CYP2B6: variants seen among roughly 807,000 people sequenced by gnomAD.
The protein encoded by CYP2B6 is cytochrome P450 family 2 subfamily B member 6.
CYP2B6 carries 35 observed loss-of-function variants against 43.4 expected under a neutral mutation model. The observed-to-expected ratio is 0.81, with a 90% CI of 0.62 to 1.07. The LOEUF (loss-of-function observed/expected upper bound fraction) is 1.07. Among genes scored for constraint, CYP2B6 ranks in the 50% least tolerant of loss-of-function variants. The pLI is 0.00. For missense variants in CYP2B6, 624 were observed against 632.8 expected (o/e 0.99, Z 0.15); for synonymous variants, 239 against 239.2 (o/e 1.00, Z 0.01).
chr19:41,002,846 C>T (rs1431409706), intron 1 of CYP2B6, among the ~76,000 whole-genome samples: 1 of 152,054 alleles, frequency 6.6e-6, no homozygotes, highest in East Asian at 1.9e-4. Context: ...CACGCCTGGC[C>T]CTGTGTTTGA....
At chr19:40,997,324 A>T (rs1157788812) in intron 1 of CYP2B6, among the ~76,000 whole-genome samples, 2 of 151,888 alleles carry the variant, frequency 1.3e-5, no homozygotes, top group Non-Finnish European at 2.9e-5. Context: ...TCTACTTATC[A>T]TTACTAATCC....
intron 8 of CYP2B6, among the ~76,000 whole-genome samples, chr19:41,015,106 T>A (rs554115403): frequency 1.3e-3 from 193 of 152,014 alleles, no homozygotes; most frequent in African/African-American, 4.5e-3. Flanking sequence ...GAAGAAAAGC[T>A]GTGTCTGACA....
intron 5 of CYP2B6, 37 bp from the exon 6 acceptor site, chr19:41,009,957 C>T (rs761357596): frequency 1.4e-5 from 22 of 1,613,536 alleles, no homozygotes; most frequent in Non-Finnish European, 1.8e-5. Flanking sequence ...CTACAGCCTC[C>T]CCTGACCCTC....
rs1969299734 is a variant in CYP2B6 at position 41,012,443 on chromosome 19, T to C, written c.1110T>C (p.Ile370=). 6.2e-7 allele frequency: 1 copy of C among 1,614,088 alleles called. No individual in the cohort carries two copies. Among genetic ancestry groups the C allele is most frequent in the Non-Finnish European group, 8.5e-7 (1 of 1,179,982 alleles). The change falls in exon 7 of 9, where the codon ATT becomes ATC. Residue 370 remains isoleucine (I), a synonymous_variant. Coordinates refer to ENST00000324071, the MANE Select transcript of CYP2B6 (RefSeq NM_000767.5). The part of the protein sequence containing the change: ...SDLLPMGVPH[I]VTQHTSFRGY... The stretch of plus-strand genomic sequence containing the variant: ...TTCTCCCCATGGGTGTGCCCCACAT[T>C]GTCACCCAACACACCAGCTTCCGAG...
chr19:41,009,783 G>C, intron 5 of CYP2B6: 2 of 623,092 alleles, frequency 3.2e-6, no homozygotes, highest in Non-Finnish European at 5.7e-6. Context: ...TGTGGAGAGA[G>C]ATAGAAACAG....
chr19:40,992,659 A>C (rs1419634885), intron 1 of CYP2B6, among the ~76,000 whole-genome samples: 1 of 152,022 alleles, frequency 6.6e-6, no homozygotes, highest in Non-Finnish European at 1.5e-5. Context: ...AGCTGGAACT[A>C]CAGGTGCATG....
intron 1 of CYP2B6, among the ~76,000 whole-genome samples, chr19:41,000,889 A>G (rs1363117609): frequency 1.3e-5 from 2 of 151,926 alleles, no homozygotes; most frequent in Non-Finnish European, 2.9e-5. Flanking sequence ...AAAACACAAA[A>G]CTAGCTGGGC....
intron 4 of CYP2B6, among the ~76,000 whole-genome samples, chr19:41,008,375 C>G (rs1969228155): frequency 7.0e-6 from 1 of 143,402 alleles, no homozygotes; most frequent in Non-Finnish European, 1.5e-5. Flanking sequence ...CCACACCCAG[C>G]TAATTTTTTT....
At position 41,006,981 on chromosome 19, in the gene CYP2B6, A is replaced by C. The variant is rs144419100; in HGVS notation, c.561A>C (p.Arg187=). The part of the protein sequence containing the change: ...NIICSIVFGK[R]FHYQDQEFLK... Reference sequence around the variant, plus strand: ...TCTGCTCCATCGTCTTTGGAAAACGATTCCACTACCAAGATCAAGAGTTCC... The same window carrying C: ...TCTGCTCCATCGTCTTTGGAAAACGCTTCCACTACCAAGATCAAGAGTTCC... The change falls in exon 4 of 9, where the codon CGA becomes CGC. Residue 187 remains arginine, a synonymous_variant. Transcript: ENST00000324071. 162 of 1,614,018 alleles carry C rather than the reference A, an allele frequency of 1.0e-4. 1 individual carries two copies. The African/African-American group carries it at 1.6e-3, about 16-fold the overall frequency.
chr19:40,999,252 G>A (rs1041267891), intron 1 of CYP2B6, among the ~76,000 whole-genome samples: 7 of 152,000 alleles, frequency 4.6e-5, no homozygotes, highest in South Asian at 2.1e-4. Context: ...CATGTCTTTC[G>A]CCCACTTTTT....
chr19:41,010,527 C>A (rs1969267232), intron 6 of CYP2B6, among the ~76,000 whole-genome samples: 1 of 151,776 alleles, frequency 6.6e-6, no homozygotes, highest in African/African-American at 2.4e-5. Context: ...CATTCTCCTG[C>A]CTCAGCTTCC....
At chr19:41,013,197 G>A (rs143220996) in intron 8 of CYP2B6, among the ~76,000 whole-genome samples, 1 of 152,214 alleles carries the variant, frequency 6.6e-6, no homozygotes, top group African/African-American at 2.4e-5. Context: ...AGTCCAGCAG[G>A]GAAGATGGGC....
intron 8 of CYP2B6, among the ~76,000 whole-genome samples, chr19:41,016,215 A>G (rs1338411859): frequency 1.3e-3 from 199 of 151,982 alleles, no homozygotes; most frequent in African/African-American, 4.6e-3. Flanking sequence ...GGCCAATATG[A>G]TGATACCCCA....
At chr19:40,992,420 A>T (rs1439198872) in intron 1 of CYP2B6, among the ~76,000 whole-genome samples, 1 of 152,084 alleles carries the variant, frequency 6.6e-6, no homozygotes, top group Non-Finnish European at 1.5e-5. Flanking sequence ...GGACAATGTC[A>T]ACGTAGTTGA....
chr19:41,000,547 T>A (rs1337117943), intron 1 of CYP2B6, among the ~76,000 whole-genome samples: 1 of 152,104 alleles, frequency 6.6e-6, no homozygotes, highest in Non-Finnish European at 1.5e-5. Flanking sequence ...ATCATACAGG[T>A]AAAGGTCCCA....
At chr19:41,016,399 CAAAAAAAAAAAAAAAAAA>C (rs869180190) in intron 8 of CYP2B6, among the ~76,000 whole-genome samples, 11 of 76,866 alleles carry the variant, frequency 1.4e-4, no homozygotes, top group East Asian at 1.1e-3. Flanking sequence ...GACTCCATCT[CAAAAAAAAAAAAAAAAAA>C]AAAAAAAAAA....
At chr19:41,010,709 G>A (rs1969270567) in intron 6 of CYP2B6, among the ~76,000 whole-genome samples, 1 of 152,006 alleles carries the variant, frequency 6.6e-6, no homozygotes, top group Non-Finnish European at 1.5e-5. Context: ...TTTTGTAATG[G>A]TCAAGTTTGG....
At position 40,997,403 on chromosome 19, in the gene CYP2B6, C is replaced by T. The variant is rs548449434; in HGVS notation, c.171+5927C>T. Among the ~76,000 whole-genome samples, 27 of 152,214 alleles carry T rather than the reference C, an allele frequency of 1.8e-4. No individual in the cohort carries two copies. The South Asian group carries it at 5.2e-3, about 29-fold the overall frequency. On this transcript the variant is annotated intron_variant, in intron 1 of 8. Transcript: ENST00000324071. ...CTTCCAGCTCCTCTTCCCCTTCCCC[C>T]TCCCATGTTGACCATACTCCTGAAT...
intron 8 of CYP2B6, among the ~76,000 whole-genome samples, chr19:41,014,403 T>G (rs1969330037): frequency 6.6e-6 from 1 of 152,010 alleles, no homozygotes; most frequent in Admixed American, 6.6e-5. Flanking sequence ...CCTCCCAGGT[T>G]CAAGTGATTC....
Sources: allele counts gnomAD v4.1 joint callset (sites outside exome capture counted in the v4.1 genomes callset), GRCh38; gene constraint gnomAD v4.1.1; transcripts MANE v1.5; gene names NCBI Gene and HGNC (gene_info 2026-07-23, HGNC 2026-07-21).